Variants in IFFO1 observed in about 807,000 individuals in gnomAD.
IFFO1 encodes the protein non-homologous end joining factor IFFO1.
IFFO1 carries 42 observed loss-of-function variants against 59.6 expected under a neutral mutation model. The ratio of observed to expected loss-of-function variants is 0.70; its 90% CI spans 0.55 to 0.91. The LOEUF (loss-of-function observed/expected upper bound fraction) is 0.91. Among genes scored for constraint, IFFO1 ranks in the 40% least tolerant of loss-of-function variants. The probability of loss-of-function intolerance (pLI) is 0.00; values close to 1 mark genes in which losing one functional copy is unlikely to be tolerated. For missense variants in IFFO1, 711 were observed against 793.2 expected (o/e 0.90, Z 1.24); for synonymous variants, 336 against 342.8 (o/e 0.98, Z 0.22).
At position 6,548,606 on chromosome 12, in the gene IFFO1, G is replaced by A; in HGVS notation, c.1263-61C>T. On this transcript the variant is annotated intron_variant, in intron 6 of 9. Coordinates refer to ENST00000619571, the MANE Select transcript of IFFO1 (RefSeq NM_001193457.2). This position sits in a 1 kb window ranked among gnomAD's most constrained non-coding sequence, Gnocchi z 6.1. ...GGCCTCGTCCTGGCGGGGGACTGGG[G>A]AGCTCCGGCCTCCTGGGCTGCTGTG... 1 of 1,613,572 alleles carries A rather than the reference G, an allele frequency of 6.2e-7. No homozygotes were observed. The highest frequency in any genetic ancestry group is 8.5e-7 in the Non-Finnish European group (1 of 1,179,650).
chr12:6,549,581 T>G lies in IFFO1; in HGVS notation c.1072-97A>C. The G allele has an allele frequency of 4.5e-6, 6 of 1,337,266 alleles. No homozygotes were observed. Among genetic ancestry groups the G allele is most frequent in the Non-Finnish European group, 6.4e-6 (6 of 933,708 alleles). The allele number at this position is 1,337,266 out of a possible 1,614,324, so 82.8% of individuals were successfully genotyped here. ...GGGAGAGACGGCGTTAGAGACAGCT[T>G]CCACGATGCCCCTCCTGATGCTGCT... On this transcript the variant is annotated intron_variant, in intron 4 of 9. Coordinates refer to ENST00000619571, the MANE Select transcript of IFFO1 (RefSeq NM_001193457.2). The surrounding 1 kb of genome is among the most constrained non-coding windows in gnomAD (Gnocchi z 5.0).
At position 6,548,307 on chromosome 12, in the gene IFFO1, A is replaced by C; in HGVS notation, c.1383+118T>G. The C allele has an allele frequency of 7.6e-7, 1 of 1,320,048 alleles. No individual in the cohort carries two copies. The highest frequency in any genetic ancestry group is 1.1e-6 in the Non-Finnish European group (1 of 931,266). 81.8% of individuals were successfully genotyped at this position (1,320,048 alleles called of 1,614,324 possible). A position where few individuals can be genotyped will look rare whatever the true frequency, so the allele number is the denominator to read the frequency against. On this transcript the variant is annotated intron_variant, in intron 7 of 9. Transcript: ENST00000619571. The surrounding 1 kb of genome is among the most constrained non-coding windows in gnomAD (Gnocchi z 6.1). ...AAGCAAAAGGATAAAGGAAGAGGGG[A>C]GACGCAGGTAGAGGATGACAGCCAC...
Position 6,549,389 on chromosome 12 carries a change from A to T in IFFO1, c.1080+87T>A. On this transcript the variant is annotated intron_variant, in intron 5 of 9. Coordinates refer to ENST00000619571, the MANE Select transcript of IFFO1 (RefSeq NM_001193457.2). The surrounding 1 kb of genome is among the most constrained non-coding windows in gnomAD (Gnocchi z 5.0). ...GAAAAAAATCCGTGCTCAAGAGCCC[A>T]GCGGGCCCAAACTGAGGGCCAGGAG... The T allele has an allele frequency of 7.1e-7, 1 of 1,413,016 alleles. No homozygotes were observed. Among genetic ancestry groups the T allele is most frequent in the South Asian group, 1.2e-5 (1 of 85,616 alleles). The allele number at this position is 1,413,016 out of a possible 1,614,324, so 87.5% of individuals were successfully genotyped here.
chr12:6,540,844 A>C (rs1946677100), intron 9 of IFFO1, among the ~76,000 whole-genome samples: 1 of 152,178 alleles, frequency 6.6e-6, no homozygotes, highest in Non-Finnish European at 1.5e-5. Context: ...TAATTCCAGC[A>C]CTTTGGGAGG....
intron 8 of IFFO1, among the ~76,000 whole-genome samples, chr12:6,544,359 G>A (rs912950088): frequency 6.6e-6 from 1 of 151,976 alleles, no homozygotes; most frequent in Non-Finnish European, 1.5e-5. Flanking sequence ...TAGAGACGGG[G>A]TTTCACATGT....
chr12:6,540,859 G>A (rs1206442766), intron 9 of IFFO1, among the ~76,000 whole-genome samples: 1 of 152,166 alleles, frequency 6.6e-6, no homozygotes, highest in Non-Finnish European at 1.5e-5. Flanking sequence ...GGGAGGCAGA[G>A]GCGGGTGGAT....
intron 1 of IFFO1, 57 bp from the exon 2 acceptor site, chr12:6,551,058 A>G: frequency 6.4e-7 from 1 of 1,558,328 alleles, no homozygotes; most frequent in Non-Finnish European, 8.8e-7. Flanking sequence ...CCCTGCCCCC[A>G]TGGCTCCCTG....
chr12:6,555,230 G>C lies in IFFO1; in HGVS notation c.773+27C>G. 6.2e-7 allele frequency: 1 copy of C among 1,609,698 alleles called. No homozygotes were observed. The highest frequency in any genetic ancestry group is 8.5e-7 in the Non-Finnish European group (1 of 1,176,338). ...CGTTGTGAGTGGTATGACACAGAGA[G>C]ACCTGTCCCCCTTTCCCAATCCCTA... On this transcript the variant is annotated intron_variant, in intron 1 of 9. Transcript: ENST00000619571. This position sits in a 1 kb window ranked among gnomAD's most constrained non-coding sequence, Gnocchi z 8.6.
At chr12:6,551,503 T>A in intron 1 of IFFO1, 2 of 1,288,200 alleles carry the variant, frequency 1.6e-6, no homozygotes, top group Non-Finnish European at 2.0e-6. Flanking sequence ...TGTAAAAGCA[T>A]CTGCAGGACA....
chr12:6,544,827 G>A (rs865882836), intron 8 of IFFO1: 4 of 152,222 alleles, frequency 2.6e-5, no homozygotes, highest in African/African-American at 4.8e-5. Context: ...TTTGATGCAG[G>A]AGCAGGACAG....
At chr12:6,550,234 G>A (rs1271521799) in intron 3 of IFFO1, 3 of 338,422 alleles carry the variant, frequency 8.9e-6, no homozygotes, top group Non-Finnish European at 1.6e-5. Flanking sequence ...AGAGACTCCT[G>A]GGAATTATAA....
Position 6,555,322 on chromosome 12 carries a change from G to C in IFFO1, c.708C>G (p.Pro236=), listed in dbSNP as rs746386921. 3.1e-6 allele frequency: 5 copies of C among 1,614,172 alleles called. No individual in the cohort carries two copies. Among genetic ancestry groups the C allele is most frequent in the Non-Finnish European group, 4.2e-6 (5 of 1,180,022 alleles). The change falls in exon 1 of 10, where the codon CCC becomes CCG. Residue 236 remains proline (P), a synonymous_variant. Coordinates refer to ENST00000619571, the MANE Select transcript of IFFO1 (RefSeq NM_001193457.2). The surrounding 1 kb of genome is among the most constrained non-coding windows in gnomAD (Gnocchi z 8.6). ...GCACGTTGTAGAGAGCGCGGATCTCGGGCGTGATGGTGTCGATCTGGACGC... is the reference window on the plus strand; with the variant it reads ...GCACGTTGTAGAGAGCGCGGATCTCCGGCGTGATGGTGTCGATCTGGACGC... ...GVGVQIDTIT[P]EIRALYNVLA...
Position 6,541,383 on chromosome 12 carries a change from T to TA in IFFO1, c.1610+128dup. ...GTGGGTCTGGGCCAGCCCCACCAGG[T>TA]AACTCCCAAAGGGCAGCCCCACAGC... On this transcript the variant is annotated intron_variant, in intron 9 of 9. Coordinates refer to ENST00000619571, the MANE Select transcript of IFFO1 (RefSeq NM_001193457.2). The surrounding 1 kb of genome is among the most constrained non-coding windows in gnomAD (Gnocchi z 4.8). The TA allele has an allele frequency of 8.4e-7, 1 of 1,195,910 alleles. No homozygotes were observed. Among genetic ancestry groups the TA allele is most frequent in the Admixed American group, 2.1e-5 (1 of 47,270 alleles). 74.1% of individuals were successfully genotyped at this position (1,195,910 alleles called of 1,614,324 possible). A position where few individuals can be genotyped will look rare whatever the true frequency, so the allele number is the denominator to read the frequency against.
At position 6,549,928 on chromosome 12, in the gene IFFO1, G is replaced by A; in HGVS notation, c.931-32C>T. ...AGGGAGCCCAGGGAACAGTGAGGAGGCGCCCAGTTCTCCAGACAAGGACGA... is the reference window on the plus strand; with the variant it reads ...AGGGAGCCCAGGGAACAGTGAGGAGACGCCCAGTTCTCCAGACAAGGACGA... On this transcript the variant is annotated intron_variant, in intron 3 of 9. Coordinates refer to ENST00000619571, the MANE Select transcript of IFFO1 (RefSeq NM_001193457.2). The surrounding 1 kb of genome is among the most constrained non-coding windows in gnomAD (Gnocchi z 5.0). 1 of 1,602,228 alleles carries A rather than the reference G, an allele frequency of 6.2e-7. No homozygotes were observed. Among genetic ancestry groups the A allele is most frequent in the Non-Finnish European group, 8.5e-7 (1 of 1,172,290 alleles).
In IFFO1 at chr12:6,555,821, A is replaced by T; in HGVS notation, c.209T>A (p.Leu70Gln). Residue 70 changes from leucine to glutamine, a missense_variant, in exon 1 of 10, where the codon CTG (leucine) becomes CAG (glutamine). Physicochemically the swap from Leu to Gln is moderately radical, Grantham distance 113. Transcript: ENST00000619571. The surrounding 1 kb of genome is among the most constrained non-coding windows in gnomAD (Gnocchi z 8.6). ...CTTGAGCACGTTGATGTTGGAGCCC[A>T]GGTCATTGCGGAGGGCCATGGCGGC... ...PPAAMALRND[L>Q]GSNINVLKTL... The T allele has an allele frequency of 6.2e-7, 1 of 1,611,594 alleles. No individual in the cohort carries two copies. The highest frequency in any genetic ancestry group is 8.5e-7 in the Non-Finnish European group (1 of 1,178,960).
chr12:6,547,844 G>A (rs1166936257), intron 8 of IFFO1, among the ~76,000 whole-genome samples: 1 of 151,518 alleles, frequency 6.6e-6, no homozygotes, highest in East Asian at 1.9e-4. Flanking sequence ...TACAAGTTCA[G>A]GGTGGTTGTA....
In IFFO1 at chr12:6,555,232, C is replaced by A. The variant is rs775035140; in HGVS notation, c.773+25G>T. 1.9e-6 allele frequency: 3 copies of A among 1,611,398 alleles called. No homozygotes were observed. Among genetic ancestry groups the A allele is most frequent in the African/African-American group, 1.3e-5 (1 of 75,002 alleles). ...TTGTGAGTGGTATGACACAGAGAGA[C>A]CTGTCCCCCTTTCCCAATCCCTACC... On this transcript the variant is annotated intron_variant, in intron 1 of 9. Coordinates refer to ENST00000619571, the MANE Select transcript of IFFO1 (RefSeq NM_001193457.2). This position sits in a 1 kb window ranked among gnomAD's most constrained non-coding sequence, Gnocchi z 8.6.
At chr12:6,545,697 CG>C (rs796857789) in intron 8 of IFFO1, among the ~76,000 whole-genome samples, 1 of 104,854 alleles carries the variant, frequency 9.5e-6, no homozygotes, top group Non-Finnish European at 2.1e-5. Context: ...GACTCCGTCT[CG>C]GAAAAAAAAA....
At chr12:6,544,370 T>C (rs1185339249) in intron 8 of IFFO1, among the ~76,000 whole-genome samples, 2 of 152,074 alleles carry the variant, frequency 1.3e-5, no homozygotes, top group African/African-American at 4.8e-5. Flanking sequence ...TTTCACATGT[T>C]GGTGGCCAGG....
Sources: allele counts gnomAD v4.1 joint callset (sites outside exome capture counted in the v4.1 genomes callset), GRCh38; gene constraint gnomAD v4.1.1; non-coding constraint Gnocchi (gnomAD v3.1); transcripts MANE v1.5; gene names NCBI Gene and HGNC (gene_info 2026-07-23, HGNC 2026-07-21).